Variants in PCDHA13 observed in about 807,000 individuals in gnomAD.
PCDHA13 encodes protocadherin alpha 13.
PCDHA13 carries 54 observed loss-of-function variants against 64.8 expected under a neutral mutation model. The observed-to-expected ratio is 0.83, with a 90% CI of 0.67 to 1.04. The LOEUF (loss-of-function observed/expected upper bound fraction) is 1.04, where lower values mean the gene tolerates loss of function less well. Among genes scored for constraint, PCDHA13 ranks in the 50% least tolerant of loss-of-function variants. The pLI, the probability that PCDHA13 is intolerant of heterozygous loss-of-function variation, is 0.00. For missense variants in PCDHA13, 1,248 were observed against 1,254.3 expected (o/e 0.99, Z 0.08); for synonymous variants, 587 against 564.4 (o/e 1.04, Z -0.57).
In PCDHA13 at chr5:140,883,037, A is replaced by C; in HGVS notation, c.769A>C (p.Asn257His). Reference sequence around the variant, plus strand: ...AGTGACGGTGTTAGAGAACGCCTTCAATGGAACATTAGTGATCAAGCTAAA... The same window carrying C: ...AGTGACGGTGTTAGAGAACGCCTTCCATGGAACATTAGTGATCAAGCTAAA... ...YKVTVLENAF[N>H]GTLVIKLNAT... Residue 257 changes from asparagine to histidine, a missense_variant, in exon 1 of 4, where the codon AAT becomes CAT. Asn to His is a moderately conservative substitution (Grantham distance 68, BLOSUM62 1). Coordinates refer to ENST00000289272, the MANE Select transcript of PCDHA13 (RefSeq NM_018904.3). 1 of 1,614,166 alleles carries C rather than the reference A, an allele frequency of 6.2e-7. No individual in the cohort carries two copies. Among genetic ancestry groups the C allele is most frequent in the Non-Finnish European group, 8.5e-7 (1 of 1,180,040 alleles).
chr5:140,977,839 C>G (rs1400370638), intron 1 of PCDHA13, among the ~76,000 whole-genome samples: 1 of 152,176 alleles, frequency 6.6e-6, no homozygotes, highest in South Asian at 2.1e-4. Context: ...ATTGATATTA[C>G]TATGGCTTTG....
At chr5:140,937,927 A>AT (rs201742095) in intron 1 of PCDHA13, among the ~76,000 whole-genome samples, 1 of 149,222 alleles carries the variant, frequency 6.7e-6, no homozygotes, top group Non-Finnish European at 1.5e-5. Flanking sequence ...AAAAAAAAAA[A>AT]GTTTAATTTG....
rs149179821 is a variant in PCDHA13 at position 141,012,224 on chromosome 5, C to T, written c.*2287C>T. 2 of 153,832 alleles carry T rather than the reference C, an allele frequency of 1.3e-5. No homozygotes were observed. Among genetic ancestry groups the T allele is most frequent in the East Asian group, 3.9e-4 (2 of 5,184 alleles). 9.5% of individuals were successfully genotyped at this position (153,832 alleles called of 1,614,324 possible). On this transcript the variant is annotated 3_prime_UTR_variant, in exon 4 of 4. Coordinates refer to ENST00000289272, the MANE Select transcript of PCDHA13 (RefSeq NM_018904.3). ...CTTTTTACATTTGCGAAGTGCTTTC[C>T]AATCCATGTTAGTTACTAGTTATTA...
intron 1 of PCDHA13, among the ~76,000 whole-genome samples, chr5:140,909,036 C>T (rs2074275767): frequency 6.6e-6 from 1 of 152,162 alleles, no homozygotes; most frequent in Non-Finnish European, 1.5e-5. Flanking sequence ...CATTTATTTT[C>T]CATACTCTGG....
At chr5:140,988,366 G>A (rs1384658783) in intron 3 of PCDHA13, among the ~76,000 whole-genome samples, 2 of 152,122 alleles carry the variant, frequency 1.3e-5, no homozygotes, top group Non-Finnish European at 2.9e-5. Flanking sequence ...TTACTTTCTG[G>A]GGTTGTGAAA....
rs780758944 is a variant in PCDHA13 at position 140,904,284 on chromosome 5, T to G, written c.2394+19622T>G. Among the ~76,000 whole-genome samples the G allele has an allele frequency of 1.3e-3, 196 of 152,216 alleles. 3 individuals carry two copies. The highest frequency in any genetic ancestry group is 1.2e-3 in the Non-Finnish European group (83 of 68,010). ...CACTTATGAATGAGAACATGTGGTG[T>G]TTGGTTTTCCATTCCTGAGTTTCTT... On this transcript the variant is annotated intron_variant, in intron 1 of 3. Transcript: ENST00000289272.
chr5:140,926,944 G>A, intron 1 of PCDHA13: 1 of 1,588,324 alleles, frequency 6.3e-7, no homozygotes, highest in Non-Finnish European at 8.6e-7. Flanking sequence ...CTGCGGCGCT[G>A]CAGCGGGACA....
chr5:140,950,944 T>C (rs2094535037), intron 1 of PCDHA13, among the ~76,000 whole-genome samples: 1 of 152,090 alleles, frequency 6.6e-6, no homozygotes, highest in Admixed American at 6.5e-5. Flanking sequence ...TCAGATTGGA[T>C]CATTTCTATT....
At chr5:140,988,851 C>T (rs2097316213) in intron 3 of PCDHA13, 1 of 152,174 alleles carries the variant, frequency 6.6e-6, no homozygotes, top group Admixed American at 6.5e-5. Context: ...TGAAACCTAT[C>T]CAGTCTCATG....
In PCDHA13 at chr5:140,959,652, T is replaced by C. The variant is rs538144488; in HGVS notation, c.2395-19297T>C. 1.3e-4 allele frequency among the ~76,000 whole-genome samples: 20 copies of C among 152,234 alleles called. No individual in the cohort carries two copies. In the South Asian group the frequency reaches 4.2e-3, roughly 32 times the overall value. On this transcript the variant is annotated intron_variant, in intron 1 of 3. Transcript: ENST00000289272. ...AGAGAGAAAAAACACAGAAGCAAAATTGAAGAATTTGTAAATCATTTCTAA... is the reference window on the plus strand; with the variant it reads ...AGAGAGAAAAAACACAGAAGCAAAACTGAAGAATTTGTAAATCATTTCTAA...
intron 3 of PCDHA13, among the ~76,000 whole-genome samples, chr5:141,003,251 C>T (rs1240561091): frequency 6.6e-6 from 1 of 152,176 alleles, no homozygotes; most frequent in Admixed American, 6.5e-5. Flanking sequence ...AAAAAGATTC[C>T]TGGGCAGTGC....
At chr5:140,954,367 C>T (rs246024) in intron 1 of PCDHA13, among the ~76,000 whole-genome samples, 85,692 of 152,060 alleles carry the variant, frequency 0.56, 24,769 homozygotes, top group African/African-American at 0.69. Context: ...CACACAGTCT[C>T]CCACAATGAG....
chr5:140,997,133 C>G (rs1554255761), intron 3 of PCDHA13, among the ~76,000 whole-genome samples: 1 of 152,092 alleles, frequency 6.6e-6, no homozygotes, highest in Non-Finnish European at 1.5e-5. Flanking sequence ...ACAATGCCCC[C>G]ACACCCCCGC....
intron 1 of PCDHA13, chr5:140,967,594 G>A: frequency 6.2e-7 from 1 of 1,614,142 alleles, no homozygotes; most frequent in Non-Finnish European, 8.5e-7. Flanking sequence ...GCACATTGGT[G>A]GTGAAGCTGA....
At chr5:140,961,548 TTC>T (rs1261051270) in intron 1 of PCDHA13, among the ~76,000 whole-genome samples, 4 of 152,230 alleles carry the variant, frequency 2.6e-5, no homozygotes, top group African/African-American at 9.6e-5. Context: ...CCTGCAGCAT[TTC>T]TTTTTTTAAA....
At chr5:140,968,036 A>G (rs1554230231) in intron 1 of PCDHA13, 1 of 1,614,042 alleles carries the variant, frequency 6.2e-7, no homozygotes, top group African/African-American at 1.3e-5. Context: ...ACTGGTGGTG[A>G]GCGGCCCACT....
intron 1 of PCDHA13, among the ~76,000 whole-genome samples, chr5:140,915,255 A>G (rs2077044659): frequency 6.6e-6 from 1 of 152,018 alleles, no homozygotes; most frequent in African/African-American, 2.4e-5. Flanking sequence ...CCAGGTTGTT[A>G]TTATTTTTGA....
rs1443036011 is a variant in PCDHA13, at chr5:140,884,092, G to A, written c.1824G>A (p.Ser608=). The change falls in exon 1 of 4, where the codon TCG becomes TCA. Residue 608 remains serine (S), a synonymous_variant. Coordinates refer to ENST00000289272, the MANE Select transcript of PCDHA13 (RefSeq NM_018904.3). ...ATTCGGGCTACAATGCGTGGCTTTCGTATGAATTGCAGCTGGCGGCGGTCG... is the reference window on the plus strand; with the variant it reads ...ATTCGGGCTACAATGCGTGGCTTTCATATGAATTGCAGCTGGCGGCGGTCG... ...DADSGYNAWL[S]YELQLAAVGA... 1.1e-5 allele frequency: 17 copies of A among 1,613,438 alleles called. No homozygotes were observed. The highest frequency in any genetic ancestry group is 1.4e-5 in the Non-Finnish European group (16 of 1,179,768).
intron 1 of PCDHA13, among the ~76,000 whole-genome samples, chr5:140,911,719 G>C (rs1184939092): frequency 6.6e-6 from 1 of 151,412 alleles, no homozygotes; most frequent in African/African-American, 2.5e-5. Context: ...GTGTAACTCT[G>C]TAAACAGTTC....
Sources: gnomAD v4.1 joint callset for allele counts (sites outside exome capture counted in the v4.1 genomes callset) on GRCh38, gnomAD v4.1.1 for gene constraint, MANE v1.5 for transcripts, NCBI Gene and HGNC (gene_info 2026-07-23, HGNC 2026-07-21) for gene names.